SLC14A2: variants seen among roughly 807,000 people sequenced by gnomAD.
SLC14A2 encodes solute carrier family 14 member 2, also known as urea transporter 2.
A neutral mutation model predicts 104.6 loss-of-function variants in SLC14A2; 91 were observed. That is an observed-to-expected ratio of 0.87 (90% confidence interval 0.73 to 1.04). The LOEUF is 1.04. SLC14A2 is among the 50% of genes least tolerant of loss of function. The pLI is 0.00. For synonymous variants in SLC14A2, 476 were observed against 466.4 expected, an observed-to-expected ratio of 1.02 and a Z score of -0.27; for missense variants, 1,189 against 1,156.0, an observed-to-expected ratio of 1.03 and a Z score of -0.41.
chr18:45,498,289 A>T (rs2043135322), intron 2 of SLC14A2, among the ~76,000 whole-genome samples: 1 of 152,230 alleles, frequency 6.6e-6, no homozygotes, highest in African/African-American at 2.4e-5. Context: ...TCTGTATTTT[A>T]CTACTGAAAT....
chr18:45,493,474 T>C (rs1294882501), intron 2 of SLC14A2, among the ~76,000 whole-genome samples: 3 of 152,220 alleles, frequency 2.0e-5, no homozygotes, highest in African/African-American at 4.8e-5. Flanking sequence ...ACACCTATAA[T>C]AACAACAGCA....
intron 2 of SLC14A2, among the ~76,000 whole-genome samples, chr18:45,510,292 C>T (rs1179871061): frequency 6.6e-6 from 1 of 152,094 alleles, no homozygotes; most frequent in African/African-American, 2.4e-5. Context: ...AAAAATGAGC[C>T]TGTCTGAGAT....
intron 1 of SLC14A2, among the ~76,000 whole-genome samples, chr18:45,319,594 A>G (rs934699057): frequency 2.0e-5 from 3 of 152,224 alleles, no homozygotes; most frequent in African/African-American, 4.8e-5. Flanking sequence ...GAGGCATTCA[A>G]TAAATACTGT....
At chr18:45,438,305 TA>T (rs1568203593) in intron 1 of SLC14A2, 1 of 152,086 alleles carries the variant, frequency 6.6e-6, no homozygotes, top group East Asian at 1.9e-4. Context: ...GGGATTGGAG[TA>T]AGGAAGTCTC....
chr18:45,265,580 A>G (rs1290679200), intron 1 of SLC14A2, among the ~76,000 whole-genome samples: 1 of 152,216 alleles, frequency 6.6e-6, no homozygotes, highest in Non-Finnish European at 1.5e-5. Flanking sequence ...AGAGAGCACC[A>G]TCAGAGACTG....
chr18:45,571,184 C>T (rs1390863826), intron 2 of SLC14A2, among the ~76,000 whole-genome samples: 1 of 152,218 alleles, frequency 6.6e-6, no homozygotes, highest in African/African-American at 2.4e-5. Flanking sequence ...ATAACACACT[C>T]AAAGACACAC....
intron 1 of SLC14A2, among the ~76,000 whole-genome samples, chr18:45,335,507 C>A (rs1393581248): frequency 6.6e-6 from 1 of 152,044 alleles, no homozygotes; most frequent in Non-Finnish European, 1.5e-5. Flanking sequence ...CTGGGTGTAA[C>A]CACCAGTCTT....
At chr18:45,331,998 C>T (rs2085295523) in intron 1 of SLC14A2, among the ~76,000 whole-genome samples, 1 of 152,206 alleles carries the variant, frequency 6.6e-6, no homozygotes, top group South Asian at 2.1e-4. Context: ...TCTTGAGTGG[C>T]AGCTGGATGG....
intron 1 of SLC14A2, among the ~76,000 whole-genome samples, chr18:45,438,844 T>G (rs577380902): frequency 2.6e-5 from 4 of 152,304 alleles, no homozygotes; most frequent in South Asian, 2.1e-4. Flanking sequence ...GGGACATACA[T>G]GTAGTTCATT....
At chr18:45,364,125 C>A (rs1042238469) in intron 1 of SLC14A2, among the ~76,000 whole-genome samples, 2 of 152,214 alleles carry the variant, frequency 1.3e-5, no homozygotes, top group Admixed American at 6.5e-5. Context: ...CTGTAGCTGT[C>A]TGAGTCACTC....
intron 2 of SLC14A2, among the ~76,000 whole-genome samples, chr18:45,518,622 C>T (rs1342254976): frequency 6.6e-6 from 1 of 151,986 alleles, no homozygotes; most frequent in Non-Finnish European, 1.5e-5. Flanking sequence ...AAAAGCTTTA[C>T]AGAGGAGTGG....
chr18:45,459,566 A>C (rs1349943565), intron 1 of SLC14A2, among the ~76,000 whole-genome samples: 4 of 152,192 alleles, frequency 2.6e-5, no homozygotes, highest in Admixed American at 2.6e-4. Flanking sequence ...CCAAGAAGAA[A>C]GGAAGGTGAG....
At chr18:45,468,580 G>A (rs367897823) in intron 1 of SLC14A2, among the ~76,000 whole-genome samples, 7 of 151,872 alleles carry the variant, frequency 4.6e-5, no homozygotes, top group Middle Eastern at 3.2e-3. Context: ...CTGCAACACC[G>A]TATCATGTGA....
intron 1 of SLC14A2, among the ~76,000 whole-genome samples, chr18:45,346,822 C>T (rs998331895): frequency 4.0e-5 from 6 of 151,848 alleles, no homozygotes; most frequent in East Asian, 3.9e-4. Flanking sequence ...GTTAGCCTGG[C>T]GTGGTGGCGG....
chr18:45,448,458 G>A (rs996625324), intron 1 of SLC14A2, among the ~76,000 whole-genome samples: 4 of 152,170 alleles, frequency 2.6e-5, no homozygotes, highest in Non-Finnish European at 5.9e-5. Context: ...AGTTATCATG[G>A]CCTTTAGATG....
At chr18:45,204,855 T>G in the SLC14A2 span, among the ~76,000 whole-genome samples, 1 of 151,422 alleles carries the variant, frequency 6.6e-6, no homozygotes, top group Non-Finnish European at 1.5e-5. Context: ...CTTACCTCAT[T>G]GCTTGCCAGA....
intron 1 of SLC14A2, among the ~76,000 whole-genome samples, chr18:45,217,327 TA>T (rs112631834): frequency 0.11 from 16,760 of 149,300 alleles, 947 homozygotes; most frequent in Non-Finnish European, 0.12. Context: ...TATGTATATA[TA>T]ATGTACATAT....
At chr18:45,496,228 C>T (rs2043095082) in intron 2 of SLC14A2, among the ~76,000 whole-genome samples, 1 of 152,166 alleles carries the variant, frequency 6.6e-6, no homozygotes, top group South Asian at 2.1e-4. Flanking sequence ...CTTTATTATA[C>T]AAAAGAGTGT....
At chr18:45,239,676 C>T (rs954731876) in intron 1 of SLC14A2, among the ~76,000 whole-genome samples, 6 of 152,204 alleles carry the variant, frequency 3.9e-5, no homozygotes, top group Non-Finnish European at 8.8e-5. Context: ...GAAAAATCTA[C>T]GATGGCTTCA....
Sources: gnomAD v4.1 joint callset for allele counts (sites outside exome capture counted in the v4.1 genomes callset) on GRCh38, gnomAD v4.1.1 for gene constraint, MANE v1.5 for transcripts, NCBI Gene and HGNC (gene_info 2026-07-23, HGNC 2026-07-21) for gene names.